Variants in KCNIP4 observed in about 807,000 individuals in gnomAD.
The protein encoded by KCNIP4 is Kv channel-interacting protein 4.
In KCNIP4, 12 loss-of-function variants were observed where a neutral mutation model predicts 34.0. The observed-to-expected ratio is 0.35, with a 90% CI of 0.23 to 0.57. KCNIP4 has a LOEUF of 0.57. Among genes scored for constraint, KCNIP4 ranks in the 20% least tolerant of loss-of-function variants. KCNIP4 has a pLI of 0.83. For synonymous variants in KCNIP4, 124 were observed against 102.2 expected (o/e 1.21, Z -1.29); for missense variants, 238 against 311.7 (o/e 0.76, Z 1.78).
chr4:21,634,604 C>T (rs775876107), intron 1 of KCNIP4, among the ~76,000 whole-genome samples: 3 of 152,088 alleles, frequency 2.0e-5, no homozygotes, highest in Non-Finnish European at 4.4e-5. Flanking sequence ...AGTTATGACA[C>T]ATCACTCATT....
intron 1 of KCNIP4, among the ~76,000 whole-genome samples, chr4:21,116,559 C>G (rs1289783543): frequency 6.6e-6 from 1 of 152,140 alleles, no homozygotes; most frequent in African/African-American, 2.4e-5. Flanking sequence ...GTTTTTTTCT[C>G]ATCTTTTGTT....
At chr4:21,634,255 A>C (rs1267752792) in intron 1 of KCNIP4, among the ~76,000 whole-genome samples, 2 of 150,436 alleles carry the variant, frequency 1.3e-5, no homozygotes, top group Non-Finnish European at 1.5e-5. Context: ...AAACACATAC[A>C]TACATACTTT....
chr4:20,899,981 T>A (rs1255081896), intron 1 of KCNIP4, among the ~76,000 whole-genome samples: 1 of 152,202 alleles, frequency 6.6e-6, no homozygotes, highest in Non-Finnish European at 1.5e-5. Context: ...CTGTTGATGC[T>A]TAGGACTTAT....
At chr4:21,126,616 G>T (rs1191500660) in intron 1 of KCNIP4, among the ~76,000 whole-genome samples, 1 of 40,568 alleles carries the variant, frequency 2.5e-5, no homozygotes, top group African/African-American at 1.6e-4. Flanking sequence ...AAGAGAAATA[G>T]CAAAAAAAAA....
intron 1 of KCNIP4, among the ~76,000 whole-genome samples, chr4:21,240,431 C>T (rs571865136): frequency 2.0e-5 from 3 of 152,104 alleles, no homozygotes; most frequent in Non-Finnish European, 4.4e-5. Context: ...AGGAGGATTC[C>T]TGCATTCTTT....
At chr4:20,780,190 T>A (rs1005009803) in intron 3 of KCNIP4, among the ~76,000 whole-genome samples, 1 of 152,116 alleles carries the variant, frequency 6.6e-6, no homozygotes, top group Admixed American at 6.5e-5. Context: ...TGTAGTGAGA[T>A]TGAGGGCTTA....
chr4:21,720,425 T>A (rs1488363740), intron 1 of KCNIP4, among the ~76,000 whole-genome samples: 1 of 152,146 alleles, frequency 6.6e-6, no homozygotes. Flanking sequence ...CATATCTAAG[T>A]GATAGAAAAC....
chr4:21,020,609 A>G (rs959590084), intron 1 of KCNIP4, among the ~76,000 whole-genome samples: 4 of 152,186 alleles, frequency 2.6e-5, no homozygotes, highest in Non-Finnish European at 5.9e-5. Flanking sequence ...TTCTTCGGCT[A>G]TATGAGCTTG....
intron 1 of KCNIP4, among the ~76,000 whole-genome samples, chr4:21,056,893 C>T (rs1312123728): frequency 6.6e-6 from 1 of 152,146 alleles, no homozygotes; most frequent in Non-Finnish European, 1.5e-5. Context: ...ATGGGATTAG[C>T]TCCCTTATGA....
chr4:21,046,221 G>C (rs1321295676), intron 1 of KCNIP4, among the ~76,000 whole-genome samples: 2 of 152,164 alleles, frequency 1.3e-5, no homozygotes, highest in African/African-American at 4.8e-5. Context: ...TTGGGCCAAA[G>C]AATGAGGAAA....
intron 1 of KCNIP4, among the ~76,000 whole-genome samples, chr4:20,991,250 C>A (rs753032234): frequency 6.6e-6 from 1 of 152,018 alleles, no homozygotes; most frequent in African/African-American, 2.4e-5. Flanking sequence ...ATTTAAAATG[C>A]GAATGACCTT....
chr4:20,785,499 G>A lies in KCNIP4; in HGVS notation c.289-26609C>T, dbSNP rs183508380. On this transcript the variant is annotated intron_variant, in intron 3 of 8. Coordinates refer to ENST00000382152, the MANE Select transcript of KCNIP4 (RefSeq NM_025221.6). The stretch of plus-strand genomic sequence containing the variant: ...TGTCCAAAATCAATTACCTGGGATG[G>A]TGTGTGCTGATCCACCTAGCAATGA... 9.1e-3 allele frequency among the ~76,000 whole-genome samples: 1,381 copies of A among 152,128 alleles called. 11 individuals carry two copies. Among genetic ancestry groups the A allele is most frequent in the Non-Finnish European group, 0.013 (856 of 67,974 alleles).
rs372683796 is a variant in KCNIP4 at position 21,267,172 on chromosome 4, G to A, written c.62-384463C>T. On this transcript the variant is annotated intron_variant, in intron 1 of 8. Coordinates refer to ENST00000382152, the MANE Select transcript of KCNIP4 (RefSeq NM_025221.6). Reference sequence around the variant, plus strand: ...AATATGACTGACTCAAAAATGTCATGTTGTTAAAATTTGTCCAGCTAGAAG... The same window carrying A: ...AATATGACTGACTCAAAAATGTCATATTGTTAAAATTTGTCCAGCTAGAAG... Among the ~76,000 whole-genome samples, 12 of 152,286 alleles carry A rather than the reference G, an allele frequency of 7.9e-5. No individual in the cohort carries two copies. The East Asian group carries it at 2.1e-3, about 27-fold the overall frequency.
chr4:21,668,936 C>G (rs1474431174), intron 1 of KCNIP4, among the ~76,000 whole-genome samples: 2 of 152,174 alleles, frequency 1.3e-5, no homozygotes, highest in Admixed American at 6.5e-5. Flanking sequence ...GCGCCTGCCT[C>G]TCCCGTCTCT....
At chr4:20,902,614 GGTTCAC>G (rs1483847532) in intron 1 of KCNIP4, among the ~76,000 whole-genome samples, 2 of 152,068 alleles carry the variant, frequency 1.3e-5, no homozygotes, top group Non-Finnish European at 2.9e-5. Context: ...CCACCTCCCG[GGTTCAC>G]GTGATTCTCT....
chr4:21,340,008 A>T lies in KCNIP4; in HGVS notation c.62-457299T>A, dbSNP rs576743039. On this transcript the variant is annotated intron_variant, in intron 1 of 8. Transcript: ENST00000382152. ...TTTCTACATTTGTCTGTATAATGTTATCTTTGTAAGGTGACTTATCTCTGT... is the reference window on the plus strand; with the variant it reads ...TTTCTACATTTGTCTGTATAATGTTTTCTTTGTAAGGTGACTTATCTCTGT... Among the ~76,000 whole-genome samples, 12 of 152,248 alleles carry T rather than the reference A, an allele frequency of 7.9e-5. 1 individual carries two copies. Among genetic ancestry groups the T allele is most frequent in the African/African-American group, 2.9e-4 (12 of 41,552 alleles).
chr4:21,124,195 A>G (rs1313465455), intron 1 of KCNIP4, among the ~76,000 whole-genome samples: 1 of 152,146 alleles, frequency 6.6e-6, no homozygotes, highest in Non-Finnish European at 1.5e-5. Context: ...TGTGGTATCA[A>G]CGTCATACAG....
intron 1 of KCNIP4, among the ~76,000 whole-genome samples, chr4:21,245,638 A>C (rs1760140113): frequency 6.6e-6 from 1 of 152,170 alleles, no homozygotes. Context: ...TGAAGGTCAA[A>C]TGAGAAGAAG....
intron 1 of KCNIP4, among the ~76,000 whole-genome samples, chr4:21,505,624 T>C (rs888275753): frequency 6.6e-6 from 1 of 152,210 alleles, no homozygotes; most frequent in Non-Finnish European, 1.5e-5. Flanking sequence ...GTTCTCCATC[T>C]GTATTATTTG....
Sources: gnomAD v4.1 joint callset for allele counts (sites outside exome capture counted in the v4.1 genomes callset) on GRCh38, gnomAD v4.1.1 for gene constraint, MANE v1.5 for transcripts, NCBI Gene and HGNC (gene_info 2026-07-23, HGNC 2026-07-21) for gene names.